The following TLN2 variants were observed in gnomAD, a reference collection of about 807,000 sequenced individuals.
TLN2 encodes talin 2, also known as talin-2.
A neutral mutation model predicts 294.7 loss-of-function variants in TLN2; 118 were observed. The observed-to-expected ratio is 0.40, with a 90% CI of 0.34 to 0.47. The LOEUF is 0.47. Among genes scored for constraint, TLN2 ranks in the 20% least tolerant of loss-of-function variants. The pLI is 0.84. For missense variants in TLN2, 3,083 were observed against 3,282.2 expected, an observed-to-expected ratio of 0.94 and a Z score of 1.48; for synonymous variants, 1,431 against 1,304.5, an observed-to-expected ratio of 1.10 and a Z score of -2.09.
intron 54 of TLN2, chr15:62,828,216 A>C (rs1156243196): frequency 1.3e-5 from 2 of 152,490 alleles, no homozygotes; most frequent in Middle Eastern, 3.4e-3. Context: ...GAAGAGGTCA[A>C]CTACAGGGTA....
chr15:62,445,186 C>G (rs960186721), intron 1 of TLN2, among the ~76,000 whole-genome samples: 1 of 152,122 alleles, frequency 6.6e-6, no homozygotes, highest in African/African-American at 2.4e-5. Flanking sequence ...GCAGGTGTGA[C>G]CCAGCTGACT....
intron 11 of TLN2, among the ~76,000 whole-genome samples, chr15:62,679,439 G>T (rs377129698): frequency 3.3e-5 from 5 of 151,678 alleles, no homozygotes; most frequent in Non-Finnish European, 7.4e-5. Flanking sequence ...GCCATAAAAA[G>T]GAATGAAGTA....
At chr15:62,504,949 G>A (rs1382356618) in intron 1 of TLN2, among the ~76,000 whole-genome samples, 1 of 145,558 alleles carries the variant, frequency 6.9e-6, no homozygotes, top group African/African-American at 2.7e-5. Flanking sequence ...ACAGAAACAT[G>A]TTTTTGTTGT....
intron 2 of TLN2, among the ~76,000 whole-genome samples, chr15:62,614,227 A>G (rs1216131589): frequency 3.3e-5 from 5 of 152,222 alleles, no homozygotes; most frequent in Non-Finnish European, 7.3e-5. Flanking sequence ...GCTGATTTCC[A>G]TAAACATTTC....
rs1470063308 is a variant in TLN2 at position 62,835,954 on chromosome 15, C to G, written c.7255C>G (p.His2419Asp). 1.9e-6 allele frequency: 3 copies of G among 1,614,206 alleles called. No individual in the cohort carries two copies. Among genetic ancestry groups the G allele is most frequent in the East Asian group, 2.2e-5 (1 of 44,878 alleles). ...CEAANASVQG[H>D]ASEEKLISSA... ...GGCGGCCAATGCCTCCGTTCAGGGACACGCCAGCGAGGAGAAGCTCATCTC... is the reference window on the plus strand; with the variant it reads ...GGCGGCCAATGCCTCCGTTCAGGGAGACGCCAGCGAGGAGAAGCTCATCTC... The change falls in exon 57 of 59, where the codon CAC (histidine) becomes GAC (aspartate). Residue 2419 changes from histidine (H) to aspartate (D), a missense_variant. By Grantham distance (81) the His-to-Asp change is moderately conservative. Transcript: ENST00000636159.
intron 42 of TLN2, among the ~76,000 whole-genome samples, chr15:62,774,667 G>A (rs1224537784): frequency 1.3e-5 from 2 of 151,994 alleles, no homozygotes; most frequent in African/African-American, 4.8e-5. Context: ...GTGAAGGAGA[G>A]CAGGCCTTCT....
rs118027122 is a variant in TLN2, at chr15:62,507,174, A to G, written c.-237-82513A>G. ...GAGTTTCTAAGATAAATGTGCTCAG[A>G]TAATTGCTTTTTATTAAAAGATACT... is the stretch of plus-strand genomic sequence containing the variant. On this transcript the variant is annotated intron_variant, in intron 1 of 58. Transcript: ENST00000636159. Among the ~76,000 whole-genome samples, 154 of 152,350 alleles carry G rather than the reference A, an allele frequency of 1.0e-3. No homozygotes were observed. In the East Asian group the frequency reaches 0.024, roughly 24 times the overall value.
rs2070672531 is a variant in TLN2 at position 62,841,306 on chromosome 15, G to A, written c.*696G>A. On this transcript the variant is annotated 3_prime_UTR_variant, in exon 59 of 59. Transcript: ENST00000636159. ...GGGCAGAGTTGCGGAAGGCCGTCGG[G>A]GCTTGGTGAGCAGGGGCTGTAATAC... 1 of 152,694 alleles carries A rather than the reference G, an allele frequency of 6.5e-6. No individual in the cohort carries two copies. 9.5% of individuals were successfully genotyped at this position (152,694 alleles called of 1,614,324 possible). A position where few individuals can be genotyped will look rare whatever the true frequency, so the allele number is the denominator to read the frequency against.
In TLN2 at chr15:62,762,330, C is replaced by T. The variant is rs190697613; in HGVS notation, c.4838C>T (p.Ser1613Leu). 3.5e-5 allele frequency: 57 copies of T among 1,614,218 alleles called. No individual in the cohort carries two copies. Among genetic ancestry groups the T allele is most frequent in the South Asian group, 5.5e-5 (5 of 91,082 alleles). ...GCCAAGACCATGCTGGAGAGTTCAT[C>T]GTACCTCATTCGCACTGCACGCTCT... Reference protein sequence around the residue: ...VSAKTMLESSSYLIRTARSLA... With the variant: ...VSAKTMLESSLYLIRTARSLA... Residue 1613 changes from serine (S) to leucine (L), a missense_variant, in exon 39 of 59, where the codon TCG becomes TTG. Coordinates refer to ENST00000636159, the MANE Select transcript of TLN2 (RefSeq NM_015059.3).
At chr15:62,679,183 A>C (rs1396994322) in intron 11 of TLN2, among the ~76,000 whole-genome samples, 1 of 152,184 alleles carries the variant, frequency 6.6e-6, no homozygotes, top group Non-Finnish European at 1.5e-5. Flanking sequence ...GGGAATGTAA[A>C]ATGGTACTGT....
At chr15:62,703,264 G>C (rs762674120) in intron 19 of TLN2, among the ~76,000 whole-genome samples, 1 of 151,790 alleles carries the variant, frequency 6.6e-6, no homozygotes, top group Non-Finnish European at 1.5e-5. Context: ...CACCATGCCC[G>C]GCTAATTTTT....
At position 62,662,822 on chromosome 15, in the gene TLN2, GTTTT is replaced by G. The variant is rs772448730; in HGVS notation, c.788+4939_788+4942del. ...TTGGTGTATTTTAGGGATTGAGAGA[GTTTT>G]TTTTTTTTTTTTTTGGAGACAGAGT... On this transcript the variant is annotated intron_variant, in intron 9 of 58. Transcript: ENST00000636159. Among the ~76,000 whole-genome samples the G allele has an allele frequency of 2.8e-5, 3 of 108,240 alleles. 1 individual carries two copies. The highest frequency in any genetic ancestry group is 5.8e-4 in the East Asian group (2 of 3,442). The allele number at this position is 108,240 out of a possible 152,430, so 71.0% of individuals were successfully genotyped here.
chr15:62,717,608 A>G lies in TLN2; in HGVS notation c.2796A>G (p.Thr932=), dbSNP rs199937516. 1.6e-5 allele frequency: 25 copies of G among 1,601,234 alleles called. No individual in the cohort carries two copies. The highest frequency in any genetic ancestry group is 3.5e-5 in the Admixed American group (2 of 57,696). Residue 932 remains threonine, a synonymous_variant, in exon 24 of 59, where the codon ACA becomes ACG. Transcript: ENST00000636159. The part of the protein sequence containing the change: ...VAAKQAAAAA[T]QTIAASQNAA... ...CCAAGCAGGCCGCAGCGGCAGCCAC[A>G]CAGACCATCGCCGCCTCCCAGAATG...
At chr15:62,530,488 T>G (rs370217063) in intron 1 of TLN2, among the ~76,000 whole-genome samples, 12 of 151,986 alleles carry the variant, frequency 7.9e-5, no homozygotes, top group African/African-American at 2.9e-4. Flanking sequence ...CTCCAAGTAG[T>G]TGGGATTACA....
chr15:62,529,302 A>G (rs186158620), intron 1 of TLN2, among the ~76,000 whole-genome samples: 1 of 152,220 alleles, frequency 6.6e-6, no homozygotes, highest in Admixed American at 6.5e-5. Flanking sequence ...CTGTGTTGCC[A>G]GGGCTGGTCT....
At chr15:62,834,409 T>C (rs902576330) in intron 55 of TLN2, 1 of 152,124 alleles carries the variant, frequency 6.6e-6, no homozygotes, top group Non-Finnish European at 1.5e-5. Context: ...TTCTGTTTGA[T>C]ATTAAAAGGA....
chr15:62,410,112 TGC>T lies in TLN2; in HGVS notation c.-238+19430_-238+19431del, dbSNP rs2033681485. Among the ~76,000 whole-genome samples, 3 of 151,992 alleles carry T rather than the reference TGC, an allele frequency of 2.0e-5. No homozygotes were observed. In the South Asian group the frequency reaches 6.2e-4, roughly 32 times the overall value. ...CAAAAATTAGCCGGGCGTGGTGGTGTGCGCCTGTAATCCCAGCTACTCAGGAG... is the reference window on the plus strand; with the variant it reads ...CAAAAATTAGCCGGGCGTGGTGGTGTGCCTGTAATCCCAGCTACTCAGGAG... On this transcript the variant is annotated intron_variant, in intron 1 of 58. Transcript: ENST00000636159.
intron 43 of TLN2, among the ~76,000 whole-genome samples, chr15:62,780,850 T>C (rs898594571): frequency 6.6e-6 from 1 of 152,112 alleles, no homozygotes; most frequent in Non-Finnish European, 1.5e-5. Context: ...TCCCACCTTT[T>C]ACATGTGGCA....
intron 45 of TLN2, among the ~76,000 whole-genome samples, chr15:62,788,629 C>T (rs2064865118): frequency 6.6e-6 from 1 of 152,188 alleles, no homozygotes; most frequent in African/African-American, 2.4e-5. Flanking sequence ...CACACAACTA[C>T]AGTCGCTAGT....
Sources: allele counts gnomAD v4.1 joint callset (sites outside exome capture counted in the v4.1 genomes callset), GRCh38; gene constraint gnomAD v4.1.1; transcripts MANE v1.5; gene names NCBI Gene and HGNC (gene_info 2026-07-23, HGNC 2026-07-21).